The following PLCH1 variants were observed in gnomAD, a reference collection of about 807,000 sequenced individuals.
PLCH1 encodes the protein phospholipase C eta 1.
Under a neutral mutation model 126.7 loss-of-function variants are expected in PLCH1, and 60 were observed. That is an observed-to-expected ratio of 0.47 (90% CI 0.38 to 0.59). The LOEUF is 0.59. PLCH1 is among the 20% of genes least tolerant of loss of function. The probability of loss-of-function intolerance (pLI) is 0.00; values close to 1 mark genes in which losing one functional copy is unlikely to be tolerated. For missense variants in PLCH1, 1,723 were observed against 2,040.0 expected (o/e 0.84, Z 2.99); for synonymous variants, 719 against 734.9 (o/e 0.98, Z 0.35).
At chr3:155,533,392 C>A (rs935677308) in intron 10 of PLCH1, among the ~76,000 whole-genome samples, 1 of 151,698 alleles carries the variant, frequency 6.6e-6, no homozygotes, top group African/African-American at 2.4e-5. Flanking sequence ...ACTAAAAGTA[C>A]AAAATTAGCC....
At chr3:155,566,251 GTA>G (rs762088769) in intron 7 of PLCH1, among the ~76,000 whole-genome samples, 1 of 75,128 alleles carries the variant, frequency 1.3e-5, no homozygotes, top group East Asian at 5.4e-4. Flanking sequence ...ATATATATAC[GTA>G]TATATACACA....
At chr3:155,469,008 C>A (rs1713043588) in intron 21 of PLCH1, among the ~76,000 whole-genome samples, 1 of 152,120 alleles carries the variant, frequency 6.6e-6, no homozygotes, top group African/African-American at 2.4e-5. Flanking sequence ...CAAGGACAGA[C>A]CATATGTTAG....
chr3:155,525,926 G>T (rs1721835281), intron 10 of PLCH1, among the ~76,000 whole-genome samples: 1 of 152,124 alleles, frequency 6.6e-6, no homozygotes, highest in Non-Finnish European at 1.5e-5. Flanking sequence ...CTCCTTTCCT[G>T]CATTTCCCAA....
chr3:155,667,685 C>G (rs1742884448), intron 2 of PLCH1, among the ~76,000 whole-genome samples: 2 of 152,044 alleles, frequency 1.3e-5, no homozygotes, highest in Non-Finnish European at 2.9e-5. Context: ...AACACTTTCT[C>G]CATTGTGTTA....
At chr3:155,694,473 C>G (rs1228853196) in intron 2 of PLCH1, among the ~76,000 whole-genome samples, 1 of 152,186 alleles carries the variant, frequency 6.6e-6, no homozygotes, top group Non-Finnish European at 1.5e-5. Flanking sequence ...CCGTGAAATT[C>G]TCACATTGGC....
chr3:155,676,350 G>A (rs1028862080), intron 2 of PLCH1: 40 of 1,066,298 alleles, frequency 3.8e-5, no homozygotes, highest in African/African-American at 3.6e-4. Flanking sequence ...GAATGCAGGC[G>A]CTGTGGCTAC....
chr3:155,457,072 C>G (rs1712463937), intron 21 of PLCH1: 1 of 152,332 alleles, frequency 6.6e-6, no homozygotes, highest in Non-Finnish European at 1.5e-5. Flanking sequence ...GCTCTGCCAG[C>G]CAAGGCAGAA....
At chr3:155,550,248 T>C (rs1725928138) in intron 9 of PLCH1, among the ~76,000 whole-genome samples, 1 of 152,228 alleles carries the variant, frequency 6.6e-6, no homozygotes, top group African/African-American at 2.4e-5. Flanking sequence ...ATGTTTCTTT[T>C]AAAAGAAGAG....
chr3:155,584,550 C>A (rs1386907536), intron 5 of PLCH1, among the ~76,000 whole-genome samples: 2 of 152,170 alleles, frequency 1.3e-5, no homozygotes, highest in African/African-American at 2.4e-5. Context: ...AACCATAAAA[C>A]TATTGGGGAT....
intron 21 of PLCH1, among the ~76,000 whole-genome samples, chr3:155,472,184 G>A (rs1713292110): frequency 6.6e-6 from 1 of 151,872 alleles, no homozygotes; most frequent in South Asian, 2.1e-4. Flanking sequence ...CCACTAGCAA[G>A]ACTAATAAAG....
chr3:155,636,973 TA>T (rs1401230130), intron 2 of PLCH1, among the ~76,000 whole-genome samples: 1 of 152,246 alleles, frequency 6.6e-6, no homozygotes, highest in African/African-American at 2.4e-5. Context: ...TTACTTTTAG[TA>T]ATTGATTTTT....
At position 155,494,230 on chromosome 3, in the gene PLCH1, G is replaced by A. The variant is rs1373203865; in HGVS notation, c.2093C>T (p.Ser698Phe). 1.2e-6 allele frequency: 2 copies of A among 1,614,052 alleles called. No homozygotes were observed. The highest frequency in any genetic ancestry group is 1.7e-6 in the Non-Finnish European group (2 of 1,179,930). ...GCQLVALNYQSEGRMMQLNRA... is the reference protein window; with the variant it reads ...GCQLVALNYQFEGRMMQLNRA... ...GTTTAACTGCATCATTCGTCCTTCAGATTGATAATTCAGTGCCACTGTGCA... is the reference window on the plus strand; with the variant it reads ...GTTTAACTGCATCATTCGTCCTTCAAATTGATAATTCAGTGCCACTGTGCA... The change falls in exon 17 of 23, where the codon TCT becomes TTT. Residue 698 changes from serine to phenylalanine, a missense_variant. This residue lies in a region of PLCH1 where 776 missense variants were observed against 1,062.9 expected (regional missense o/e 0.73). Coordinates refer to ENST00000460012, the MANE Select transcript of PLCH1 (RefSeq NM_014996.4).
intron 1 of PLCH1, among the ~76,000 whole-genome samples, chr3:155,724,520 G>A (rs1463553304): frequency 4.6e-5 from 7 of 152,002 alleles, no homozygotes; most frequent in Non-Finnish European, 5.9e-5. Context: ...TTTAACTGCT[G>A]TTGCTTTAAA....
chr3:155,501,425 T>G (rs970634282), intron 13 of PLCH1, among the ~76,000 whole-genome samples: 1 of 152,160 alleles, frequency 6.6e-6, no homozygotes, highest in African/African-American at 2.4e-5. Context: ...CAATAAAACT[T>G]TTTTGGGATG....
chr3:155,659,359 A>T (rs1241959417), intron 2 of PLCH1, among the ~76,000 whole-genome samples: 26 of 101,362 alleles, frequency 2.6e-4, no homozygotes, highest in Non-Finnish European at 2.0e-4. Flanking sequence ...ATAGGGTTTC[A>T]CTCTGTCACC....
At chr3:155,499,464 T>C (rs1717566031) in intron 14 of PLCH1, among the ~76,000 whole-genome samples, 1 of 152,214 alleles carries the variant, frequency 6.6e-6, no homozygotes, top group South Asian at 2.1e-4. Context: ...TCTAAGACAT[T>C]CCGTGATATG....
At chr3:155,488,183 G>C in intron 20 of PLCH1, 76 bp from the exon 21 acceptor site, 1 of 785,196 alleles carries the variant, frequency 1.3e-6, no homozygotes, top group Admixed American at 2.0e-5. Context: ...ACAAAATTAA[G>C]TATCTGACTT....
rs143087514 is a variant in PLCH1 at position 155,594,041 on chromosome 3, T to G, written c.370A>C (p.Asn124His). The change falls in exon 4 of 23, where the codon AAC (asparagine) becomes CAC (histidine). Residue 124 changes from asparagine to histidine, a missense_variant. Physicochemically the swap from Asn to His is moderately conservative, Grantham distance 68. This residue lies in a region of PLCH1 where 776 missense variants were observed against 1,062.9 expected (regional missense o/e 0.73). Coordinates refer to ENST00000460012, the MANE Select transcript of PLCH1 (RefSeq NM_014996.4). ...ATCCAGGTGCGGGCCTCCTCGGGGT[T>G]GGAGGTGATGAGGTCCAGGGACTCC... ...HMESLDLITS[N>H]PEEARTWITG... 3.7e-6 allele frequency: 6 copies of G among 1,613,836 alleles called. No individual in the cohort carries two copies. The African/African-American group carries it at 8.0e-5, about 22-fold the overall frequency.
intron 1 of PLCH1, among the ~76,000 whole-genome samples, chr3:155,733,153 AT>A (rs1748898095): frequency 6.6e-6 from 1 of 152,188 alleles, no homozygotes; most frequent in Admixed American, 6.5e-5. Context: ...CAATCTACAT[AT>A]TCAATGTAAT....
Sources: allele counts gnomAD v4.1 joint callset (sites outside exome capture counted in the v4.1 genomes callset), GRCh38; gene constraint gnomAD v4.1.1; regional missense constraint gnomAD v4.1.1; transcripts MANE v1.5; gene names NCBI Gene and HGNC (gene_info 2026-07-23, HGNC 2026-07-21).